KREMEN1: variants seen among roughly 807,000 people sequenced by gnomAD.
The protein encoded by KREMEN1 is kringle containing transmembrane protein 1, also known as kremen protein 1.
KREMEN1 carries 30 observed loss-of-function variants against 46.5 expected under a neutral mutation model. The observed-to-expected ratio is 0.65, with a 90% CI of 0.48 to 0.88. The LOEUF (loss-of-function observed/expected upper bound fraction) is 0.88. KREMEN1 is among the 40% of genes least tolerant of loss of function. The pLI is 0.00. For synonymous variants in KREMEN1, 214 were observed against 230.6 expected (o/e 0.93, Z 0.65); for missense variants, 533 against 596.9 (o/e 0.89, Z 1.11).
rs2038871377 is a variant in KREMEN1, at chr22:29,146,763, G to C, written c.*4651G>C. ...AATGTAATGGTACTTTTACAAACGA[G>C]AAAAAATGTTATTTTTACTTTCTGG... On this transcript the variant is annotated 3_prime_UTR_variant, in exon 9 of 9. Coordinates refer to ENST00000400335, the MANE Select transcript of KREMEN1 (RefSeq NM_001039570.3). 1.0e-6 allele frequency: 1 copy of C among 954,222 alleles called. No homozygotes were observed. The highest frequency in any genetic ancestry group is 1.2e-6 in the Non-Finnish European group (1 of 801,424). 59.1% of individuals were successfully genotyped at this position (954,222 alleles called of 1,614,324 possible).
chr22:29,130,428 GT>G (rs2038513915), intron 5 of KREMEN1, among the ~76,000 whole-genome samples: 1 of 152,166 alleles, frequency 6.6e-6, no homozygotes, highest in South Asian at 2.1e-4. Flanking sequence ...AGTATTTCCA[GT>G]TTAACAATGA....
chr22:29,154,804 C>T (rs1406313008), intron 9 of KREMEN1: 1 of 151,990 alleles, frequency 6.6e-6, no homozygotes, highest in Non-Finnish European at 1.5e-5. Context: ...CAGAATCAGC[C>T]TGGGCAAAAT....
chr22:29,083,711 A>ACT (rs2037690696), intron 1 of KREMEN1, among the ~76,000 whole-genome samples: 1 of 152,184 alleles, frequency 6.6e-6, no homozygotes, highest in Non-Finnish European at 1.5e-5. Context: ...GGGTGCCTGT[A>ACT]ATCCCAGCTA....
chr22:29,148,055 T>G (rs976503417), downstream of KREMEN1, among the ~76,000 whole-genome samples: 11 of 152,150 alleles, frequency 7.2e-5, no homozygotes, highest in African/African-American at 2.2e-4. Flanking sequence ...GGGATGGTGC[T>G]CCGGTACCTG....
At position 29,145,344 on chromosome 22, in the gene KREMEN1, C is replaced by T. The variant is rs1347175038; in HGVS notation, c.*3232C>T. ...TGCAGGAGAGGCAGGGGAGGGGCTT[C>T]GGGGACCACTGTGGACAGAGCTCTG... On this transcript the variant is annotated 3_prime_UTR_variant, in exon 9 of 9. Coordinates refer to ENST00000400335, the MANE Select transcript of KREMEN1 (RefSeq NM_001039570.3). The T allele has an allele frequency of 3.0e-6, 3 of 985,466 alleles. No homozygotes were observed. The highest frequency in any genetic ancestry group is 4.7e-5 in the South Asian group (1 of 21,282). 61.0% of individuals were successfully genotyped at this position (985,466 alleles called of 1,614,324 possible).
intron 1 of KREMEN1, among the ~76,000 whole-genome samples, chr22:29,074,072 G>C (rs1467908504): frequency 1.3e-5 from 2 of 152,224 alleles, no homozygotes; most frequent in Non-Finnish European, 2.9e-5. Flanking sequence ...GGCGGGAGGA[G>C]CCGGCGCTCA....
chr22:29,082,101 CT>C (rs1347366282), intron 1 of KREMEN1, among the ~76,000 whole-genome samples: 11 of 40,388 alleles, frequency 2.7e-4, no homozygotes, highest in African/African-American at 1.1e-3. Flanking sequence ...TCCAGTTGAC[CT>C]TCAGACAACA....
chr22:29,142,983 C>G lies in KREMEN1; in HGVS notation c.*871C>G, dbSNP rs1232222937. The stretch of plus-strand genomic sequence containing the variant: ...TGGCCAACATGGTGAAACCCCGTCT[C>G]TACTAAAAATATAAAAATTAGTCAG... On this transcript the variant is annotated 3_prime_UTR_variant, in exon 9 of 9. Coordinates refer to ENST00000400335, the MANE Select transcript of KREMEN1 (RefSeq NM_001039570.3). 3 of 569,138 alleles carry G rather than the reference C, an allele frequency of 5.3e-6. No homozygotes were observed. Among genetic ancestry groups the G allele is most frequent in the Non-Finnish European group, 6.7e-6 (3 of 450,138 alleles). 35.3% of individuals were successfully genotyped at this position (569,138 alleles called of 1,614,324 possible).
intron 3 of KREMEN1, among the ~76,000 whole-genome samples, chr22:29,104,619 G>T (rs1473634218): frequency 1.3e-5 from 2 of 152,148 alleles, no homozygotes; most frequent in South Asian, 4.1e-4. Context: ...AAAATCACAA[G>T]AACTTGGCTG....
intron 9 of KREMEN1, chr22:29,154,351 G>A (rs1296061138): frequency 6.6e-6 from 1 of 152,182 alleles, no homozygotes; most frequent in Non-Finnish European, 1.5e-5. Context: ...CCTAGCTGTT[G>A]GGTGAAAATA....
chr22:29,103,273 G>A (rs941832276), intron 3 of KREMEN1, among the ~76,000 whole-genome samples: 1 of 152,174 alleles, frequency 6.6e-6, no homozygotes, highest in Admixed American at 6.5e-5. Flanking sequence ...AACAGACCCA[G>A]CAGGAGCCAG....
downstream of KREMEN1, among the ~76,000 whole-genome samples, chr22:29,148,191 A>C (rs1041864944): frequency 2.0e-5 from 3 of 152,174 alleles, no homozygotes; most frequent in Non-Finnish European, 2.9e-5. Context: ...TGGGACACTG[A>C]GGCAGAGCTG....
intron 5 of KREMEN1, among the ~76,000 whole-genome samples, chr22:29,135,709 C>G (rs1057283432): frequency 6.6e-6 from 1 of 152,224 alleles, no homozygotes; most frequent in Non-Finnish European, 1.5e-5. Context: ...AGCCCACTCT[C>G]AGCCTTTAAG....
chr22:29,116,241 A>AT (rs1392186833), intron 3 of KREMEN1, among the ~76,000 whole-genome samples: 2 of 152,216 alleles, frequency 1.3e-5, no homozygotes, highest in African/African-American at 4.8e-5. Flanking sequence ...AAATGGAGAT[A>AT]GAATAGGAGG....
chr22:29,096,037 T>C (rs946803172), intron 2 of KREMEN1, among the ~76,000 whole-genome samples: 2 of 152,238 alleles, frequency 1.3e-5, no homozygotes, highest in Non-Finnish European at 2.9e-5. Context: ...TTGTATTTTA[T>C]TGTTCAAGTT....
At position 29,073,088 on chromosome 22, in the gene KREMEN1, C is replaced by G. The variant is rs1271784113; in HGVS notation, c.-43C>G. 4 of 641,762 alleles carry G rather than the reference C, an allele frequency of 6.2e-6. No homozygotes were observed. Among genetic ancestry groups the G allele is most frequent in the Non-Finnish European group, 5.8e-6 (3 of 515,470 alleles). 39.8% of individuals were successfully genotyped at this position (641,762 alleles called of 1,614,324 possible). ...CCGCCCCCGGCTCCCCGCGCTGCCCCCTTTACCCCGGGCCGCGCCCCGGGG... is the reference window on the plus strand; with the variant it reads ...CCGCCCCCGGCTCCCCGCGCTGCCCGCTTTACCCCGGGCCGCGCCCCGGGG... On this transcript the variant is annotated 5_prime_UTR_variant, in exon 1 of 9. Transcript: ENST00000400335. The surrounding 1 kb of genome is among the most constrained non-coding windows in gnomAD (Gnocchi z 4.4).
At chr22:29,083,621 C>A (rs1378580127) in intron 1 of KREMEN1, among the ~76,000 whole-genome samples, 1 of 152,112 alleles carries the variant, frequency 6.6e-6, no homozygotes, top group East Asian at 1.9e-4. Context: ...CACTTGAGGT[C>A]AGGAGTTTGA....
At chr22:29,150,002 A>G (rs76303580), downstream of KREMEN1, among the ~76,000 whole-genome samples, 2,668 of 152,354 alleles carry the variant, frequency 0.018, 73 homozygotes, top group African/African-American at 0.061. Context: ...GACAGTCTCT[A>G]GAACTCAGAG....
At chr22:29,154,855 G>A (rs2038947454) in intron 9 of KREMEN1, 1 of 151,948 alleles carries the variant, frequency 6.6e-6, no homozygotes, top group African/African-American at 2.4e-5. Flanking sequence ...TGTCACAGGT[G>A]TCCTGACTCT....
Sources: allele counts gnomAD v4.1 joint callset (sites outside exome capture counted in the v4.1 genomes callset), GRCh38; gene constraint gnomAD v4.1.1; non-coding constraint Gnocchi (gnomAD v3.1); transcripts MANE v1.5; gene names NCBI Gene and HGNC (gene_info 2026-07-23, HGNC 2026-07-21).